SNED1: variants seen among roughly 807,000 people sequenced by gnomAD.
The protein encoded by SNED1 is sushi, nidogen and EGF like domains 1, also known as sushi, nidogen and EGF-like domain-containing protein 1.
In SNED1, 81 loss-of-function variants were observed where a neutral mutation model predicts 166.7. The observed-to-expected ratio is 0.49, with a 90% CI of 0.41 to 0.58. The LOEUF (loss-of-function observed/expected upper bound fraction) is 0.58, where lower values mean the gene tolerates loss of function less well. SNED1 is among the 20% of genes least tolerant of loss of function. The pLI is 0.00. For synonymous variants in SNED1, 762 were observed against 822.0 expected (o/e 0.93, Z 1.25); for missense variants, 1,604 against 2,000.2 (o/e 0.80, Z 3.78).
intron 1 of SNED1, chr2:241,009,911 G>T (rs2060337176): frequency 6.6e-6 from 1 of 152,244 alleles, no homozygotes; most frequent in Admixed American, 6.5e-5. Context: ...CTGGCGTGAG[G>T]CCGCTCAGCA....
At chr2:241,020,950 C>G (rs2060753687) in intron 1 of SNED1, among the ~76,000 whole-genome samples, 1 of 152,204 alleles carries the variant, frequency 6.6e-6, no homozygotes, top group Non-Finnish European at 1.5e-5. Flanking sequence ...GGAAACACCA[C>G]GTCAACAGCA....
chr2:241,022,044 C>A (rs924228953), intron 1 of SNED1, among the ~76,000 whole-genome samples: 1 of 152,222 alleles, frequency 6.6e-6, no homozygotes, highest in Non-Finnish European at 1.5e-5. Flanking sequence ...ATGTTATTGG[C>A]TCCTTCTAAA....
intron 6 of SNED1, 102 bp downstream of exon 6, chr2:241,037,455 A>G (rs984707473): frequency 1.1e-5 from 9 of 810,184 alleles, no homozygotes; most frequent in Admixed American, 7.0e-5. Context: ...GCAGCTGTGC[A>G]TGCTGCAAGG....
At chr2:241,052,607 G>A (rs1388559683) in intron 15 of SNED1, 139 bp downstream of exon 15, 3 of 693,518 alleles carry the variant, frequency 4.3e-6, no homozygotes, top group Non-Finnish European at 7.8e-6. Flanking sequence ...GGATATATGG[G>A]ATACCAGTGC....
intron 31 of SNED1, chr2:241,090,236 T>C (rs1400485693): frequency 6.7e-7 from 1 of 1,494,870 alleles, no homozygotes; most frequent in Non-Finnish European, 8.9e-7. Flanking sequence ...TTAACTTTTG[T>C]TAAAAACTAA....
intron 1 of SNED1, among the ~76,000 whole-genome samples, chr2:241,017,869 C>G (rs1436094212): frequency 6.6e-6 from 1 of 152,202 alleles, no homozygotes; most frequent in Non-Finnish European, 1.5e-5. Context: ...CCCTGTGGCC[C>G]ATGCAAGGAG....
Position 241,073,843 on chromosome 2 carries a change from T to G in SNED1, c.3916+479T>G. ...GTTATGCAGGACCTGAACTGTCTCC[T>G]AGTCCGGGGCTCTGCCTCGTGAGGA... On this transcript the variant is annotated intron_variant, in intron 27 of 31. Coordinates refer to ENST00000310397, the MANE Select transcript of SNED1 (RefSeq NM_001080437.3). The surrounding 1 kb of genome is among the most constrained non-coding windows in gnomAD (Gnocchi z 6.6). 5.0e-6 allele frequency: 1 copy of G among 200,904 alleles called. No individual in the cohort carries two copies. 12.4% of individuals were successfully genotyped at this position (200,904 alleles called of 1,614,324 possible). A position where few individuals can be genotyped will look rare whatever the true frequency, so the allele number is the denominator to read the frequency against.
At chr2:241,083,257 G>A in intron 29 of SNED1, among the ~76,000 whole-genome samples, 1 of 152,184 alleles carries the variant, frequency 6.6e-6, no homozygotes, top group South Asian at 2.1e-4. Flanking sequence ...CCAGAGGACA[G>A]TTACCAGGGC....
Position 241,081,757 on chromosome 2 carries a change from T to C in SNED1, c.3997T>C (p.Cys1333Arg). The C allele has an allele frequency of 6.2e-7, 1 of 1,604,270 alleles. No homozygotes were observed. Among genetic ancestry groups the C allele is most frequent in the Non-Finnish European group, 8.5e-7 (1 of 1,175,428 alleles). The change falls in exon 28 of 32, where the codon TGC becomes CGC. Residue 1333 changes from cysteine to arginine, a missense_variant. Cys to Arg is a radical substitution (Grantham distance 180, BLOSUM62 -3). Coordinates refer to ENST00000310397, the MANE Select transcript of SNED1 (RefSeq NM_001080437.3). ...GGGCGCAGACGCCCACAGCTGTGAC[T>C]GCGGGCCAGGGTTCAAAGGCAGACG... ...VPGADAHSCD[C>R]GPGFKGRRCE...
chr2:241,090,284 G>T, intron 31 of SNED1: 1 of 1,546,424 alleles, frequency 6.5e-7, no homozygotes, highest in Non-Finnish European at 8.7e-7. Flanking sequence ...CTACACAGGG[G>T]CAGGATCATC....
At chr2:241,032,540 C>T (rs890688707) in intron 2 of SNED1, among the ~76,000 whole-genome samples, 2 of 151,866 alleles carry the variant, frequency 1.3e-5, no homozygotes, top group Non-Finnish European at 2.9e-5. Flanking sequence ...ATGTAAATGA[C>T]TAGGTAATGG....
intron 2 of SNED1, among the ~76,000 whole-genome samples, chr2:241,031,974 C>T (rs186826997): frequency 2.6e-5 from 4 of 152,320 alleles, no homozygotes; most frequent in Admixed American, 6.5e-5. Flanking sequence ...TAGCCCAAGT[C>T]GCCTTATGCA....
rs181451893 is a variant in SNED1, at chr2:241,044,204, T to C, written c.1273+3791T>C. The stretch of plus-strand genomic sequence containing the variant: ...AGATGATAGGTTCAGTCTAGTCATA[T>C]TGGTAGTTACATTAAAATGTAAAAT... On this transcript the variant is annotated intron_variant, in intron 8 of 31. Transcript: ENST00000310397. Among the ~76,000 whole-genome samples, 3 of 152,356 alleles carry C rather than the reference T, an allele frequency of 2.0e-5. No individual in the cohort carries two copies. The East Asian group carries it at 5.8e-4, about 29-fold the overall frequency.
rs1489470901 is a variant in SNED1 at position 241,033,888 on chromosome 2, A to G, written c.642+13A>G. The G allele has an allele frequency of 1.1e-5, 17 of 1,587,526 alleles. No homozygotes were observed. Among genetic ancestry groups the G allele is most frequent in the Non-Finnish European group, 1.5e-5 (17 of 1,167,688 alleles). ...CATCGCAGCCCAGGTAGGCGAGTGCAGTCGGTGCTCTGTGTTCAGAACCCC... is the reference window on the plus strand; with the variant it reads ...CATCGCAGCCCAGGTAGGCGAGTGCGGTCGGTGCTCTGTGTTCAGAACCCC... On this transcript the variant is annotated intron_variant, in intron 3 of 31. Transcript: ENST00000310397.
chr2:241,072,475 G>C (rs1444833204), intron 26 of SNED1: 2 of 347,760 alleles, frequency 5.8e-6, no homozygotes, highest in African/African-American at 4.3e-5. Context: ...GGACCTCTCT[G>C]GCCCTTGCCT....
rs753081983 is a variant in SNED1, at chr2:241,030,537, G to A, written c.467G>A (p.Arg156Gln). The change falls in exon 2 of 32, where the codon CGA becomes CAA. Residue 156 changes from arginine to glutamine, a missense_variant. Transcript: ENST00000310397. The part of the protein sequence containing the change: ...ATWVFVATWY[R>Q]VTFFGGSSSS... The stretch of plus-strand genomic sequence containing the variant: ...TGGGTTTTTGTTGCCACCTGGTACC[G>A]AGTGACCTTCTTTGGAGGCAGTTCC... 25 of 1,613,722 alleles carry A rather than the reference G, an allele frequency of 1.5e-5. No individual in the cohort carries two copies. Among genetic ancestry groups the A allele is most frequent in the South Asian group, 2.2e-5 (2 of 91,090 alleles).
At position 241,065,409 on chromosome 2, in the gene SNED1, G is replaced by A. The variant is rs752314504; in HGVS notation, c.2824G>A (p.Ala942Thr). 28 of 1,613,138 alleles carry A rather than the reference G, an allele frequency of 1.7e-5. No homozygotes were observed. Among genetic ancestry groups the A allele is most frequent in the East Asian group, 2.2e-5 (1 of 44,876 alleles). The change falls in exon 21 of 32, where the codon GCG becomes ACG. Residue 942 changes from alanine (A) to threonine (T), a missense_variant. Transcript: ENST00000310397. ...PAARQMLDGY[A>T]VTYVSSDGSY... ...CGCCAGGCAGATGCTTGATGGCTAC[G>A]CGGTCACCTACGTCTCCTCCGACGG...
At position 241,073,770 on chromosome 2, in the gene SNED1, C is replaced by T. The variant is rs2062868381; in HGVS notation, c.3916+406C>T. Reference sequence around the variant, plus strand: ...ATGGGAGAAGCAGAGGGAGCAGCCACTGGGCGAGCCCCAGCTTGAGGACTA... The same window carrying T: ...ATGGGAGAAGCAGAGGGAGCAGCCATTGGGCGAGCCCCAGCTTGAGGACTA... On this transcript the variant is annotated intron_variant, in intron 27 of 31. Transcript: ENST00000310397. This position sits in a 1 kb window ranked among gnomAD's most constrained non-coding sequence, Gnocchi z 6.6. The T allele has an allele frequency of 1.4e-5, 5 of 345,584 alleles. No homozygotes were observed. Among genetic ancestry groups the T allele is most frequent in the Non-Finnish European group, 2.6e-5 (5 of 189,330 alleles). 21.4% of individuals were successfully genotyped at this position (345,584 alleles called of 1,614,324 possible). A position where few individuals can be genotyped will look rare whatever the true frequency, so the allele number is the denominator to read the frequency against.
At position 241,030,267 on chromosome 2, in the gene SNED1, G is replaced by A; in HGVS notation, c.214-17G>A. 6.4e-7 allele frequency: 1 copy of A among 1,556,178 alleles called. No individual in the cohort carries two copies. The highest frequency in any genetic ancestry group is 8.7e-7 in the Non-Finnish European group (1 of 1,147,382). On this transcript the variant is annotated splice_polypyrimidine_tract_variant and intron_variant, in intron 1 of 31. Coordinates refer to ENST00000310397, the MANE Select transcript of SNED1 (RefSeq NM_001080437.3). ...ACAGCCCCCAGTCAATCCCCGCTCT[G>A]GCTTTCTGCCTCCCAGGTGAACAAC...
Sources: gnomAD v4.1 joint callset for allele counts (sites outside exome capture counted in the v4.1 genomes callset) on GRCh38, gnomAD v4.1.1 for gene constraint, Gnocchi (gnomAD v3.1) non-coding constraint, MANE v1.5 for transcripts, NCBI Gene and HGNC (gene_info 2026-07-23, HGNC 2026-07-21) for gene names.